Variants in PDZRN4 observed in about 807,000 individuals in gnomAD.
PDZRN4 encodes PDZ domain containing ring finger 4, also known as PDZ domain-containing RING finger protein 4.
PDZRN4 carries 70 observed loss-of-function variants against 99.0 expected under a neutral mutation model. The observed-to-expected ratio is 0.71, with a 90% confidence interval of 0.58 to 0.86. The LOEUF (loss-of-function observed/expected upper bound fraction) is 0.86. Ranked by LOEUF, PDZRN4 falls within the 40% of genes least tolerant of loss-of-function variation. The pLI, the probability that PDZRN4 is intolerant of heterozygous loss-of-function variation, is 0.00. For synonymous variants in PDZRN4, 551 were observed against 501.6 expected (o/e 1.10, Z -1.32); for missense variants, 1,474 against 1,331.2 (o/e 1.11, Z -1.67).
At chr12:41,287,799 C>T (rs1951430923) in intron 3 of PDZRN4, among the ~76,000 whole-genome samples, 2 of 152,182 alleles carry the variant, frequency 1.3e-5, no homozygotes, top group Non-Finnish European at 2.9e-5. Context: ...AGTGTAAACT[C>T]CCCAACCCCC....
chr12:41,370,629 T>C (rs1224985052), intron 3 of PDZRN4, among the ~76,000 whole-genome samples: 1 of 151,988 alleles, frequency 6.6e-6, no homozygotes, highest in African/African-American at 2.4e-5. Flanking sequence ...GGTAAACTCA[T>C]AGCTGTTATC....
intron 9 of PDZRN4, among the ~76,000 whole-genome samples, chr12:41,569,503 C>A (rs987219280): frequency 1.7e-4 from 26 of 152,160 alleles, no homozygotes; most frequent in African/African-American, 6.0e-4. Context: ...GCTCCACCAG[C>A]CTCAGCCTCC....
intron 3 of PDZRN4, among the ~76,000 whole-genome samples, chr12:41,291,456 T>C (rs2120908355): frequency 6.6e-6 from 1 of 152,312 alleles, no homozygotes; most frequent in East Asian, 1.9e-4. Context: ...ACTCTCTGAA[T>C]CTGTTTTATT....
chr12:41,357,346 C>T (rs1414282163), intron 3 of PDZRN4, among the ~76,000 whole-genome samples: 1 of 151,940 alleles, frequency 6.6e-6, no homozygotes, highest in Non-Finnish European at 1.5e-5. Context: ...GTTTATACTA[C>T]TATATACATC....
chr12:41,466,635 G>A (rs1005372496), intron 3 of PDZRN4, among the ~76,000 whole-genome samples: 3 of 152,030 alleles, frequency 2.0e-5, no homozygotes, highest in African/African-American at 7.3e-5. Flanking sequence ...CATTAAAAAC[G>A]TGGAGGGGGG....
intron 3 of PDZRN4, among the ~76,000 whole-genome samples, chr12:41,300,247 A>G (rs1951525597): frequency 1.3e-5 from 2 of 152,034 alleles, no homozygotes; most frequent in African/African-American, 2.4e-5. Context: ...ATCTTCTGAA[A>G]TAAGTGTATT....
intron 5 of PDZRN4, among the ~76,000 whole-genome samples, chr12:41,515,851 C>T (rs1232905125): frequency 1.3e-5 from 2 of 151,854 alleles, no homozygotes; most frequent in Non-Finnish European, 2.9e-5. Flanking sequence ...CATTGGTTTA[C>T]TCCTTTGTTT....
chr12:41,537,520 T>G (rs1482481635), intron 5 of PDZRN4, among the ~76,000 whole-genome samples: 1 of 152,076 alleles, frequency 6.6e-6, no homozygotes, highest in African/African-American at 2.4e-5. Context: ...TTTGGCTAGG[T>G]CGTCAGATGT....
chr12:41,333,250 T>C (rs1477440276), intron 3 of PDZRN4, among the ~76,000 whole-genome samples: 2 of 152,082 alleles, frequency 1.3e-5, no homozygotes, highest in South Asian at 2.1e-4. Context: ...GTCTCTGGCA[T>C]TTATGCTGCA....
chr12:41,282,216 G>C (rs192249263), intron 3 of PDZRN4, among the ~76,000 whole-genome samples: 1 of 152,180 alleles, frequency 6.6e-6, no homozygotes, highest in Admixed American at 6.5e-5. Flanking sequence ...AACAGGGGTT[G>C]CAATACTAGT....
intron 3 of PDZRN4, among the ~76,000 whole-genome samples, chr12:41,328,496 G>A (rs1271584804): frequency 1.3e-5 from 2 of 152,106 alleles, no homozygotes; most frequent in African/African-American, 4.8e-5. Context: ...TCAAGCCTGG[G>A]CAGCAGAGTG....
At chr12:41,376,982 A>T (rs1431770531) in intron 3 of PDZRN4, among the ~76,000 whole-genome samples, 1 of 151,742 alleles carries the variant, frequency 6.6e-6, no homozygotes, top group Non-Finnish European at 1.5e-5. Flanking sequence ...TGTTGAAGAG[A>T]CTCTCCTTTC....
intron 3 of PDZRN4, among the ~76,000 whole-genome samples, chr12:41,294,097 T>C (rs550446433): frequency 1.5e-4 from 23 of 152,190 alleles, no homozygotes; most frequent in Non-Finnish European, 2.8e-4. Flanking sequence ...ATAGTTTGTT[T>C]GTTTGTATCA....
chr12:41,464,058 CCAAG>C (rs1445596170), intron 3 of PDZRN4, among the ~76,000 whole-genome samples: 2 of 152,262 alleles, frequency 1.3e-5, no homozygotes, highest in East Asian at 3.9e-4. Context: ...ATTTGCATTT[CCAAG>C]CACGCCAGGA....
chr12:41,271,695 T>C (rs1004603719), intron 3 of PDZRN4, among the ~76,000 whole-genome samples: 1 of 152,108 alleles, frequency 6.6e-6, no homozygotes, highest in African/African-American at 2.4e-5. Context: ...TCCACATGCA[T>C]TTGCCGTTTT....
intron 3 of PDZRN4, among the ~76,000 whole-genome samples, chr12:41,250,834 G>A (rs1274192883): frequency 6.6e-6 from 1 of 152,142 alleles, no homozygotes; most frequent in African/African-American, 2.4e-5. Context: ...TTCATAATAA[G>A]CAGATGTTAT....
intron 3 of PDZRN4, among the ~76,000 whole-genome samples, chr12:41,345,326 C>T (rs963851986): frequency 2.6e-5 from 4 of 152,088 alleles, no homozygotes; most frequent in Non-Finnish European, 4.4e-5. Flanking sequence ...CATGACCCAC[C>T]CTCCCCCTCC....
At chr12:41,278,920 C>T (rs981226158) in intron 3 of PDZRN4, among the ~76,000 whole-genome samples, 3 of 152,138 alleles carry the variant, frequency 2.0e-5, no homozygotes, top group Non-Finnish European at 4.4e-5. Flanking sequence ...TGGATAAAGG[C>T]CCTTATCTCA....
At chr12:41,325,442 A>C (rs1208059747) in intron 3 of PDZRN4, among the ~76,000 whole-genome samples, 1 of 152,208 alleles carries the variant, frequency 6.6e-6, no homozygotes, top group Non-Finnish European at 1.5e-5. Context: ...AAATAGTATA[A>C]TAATCAATTT....
Sources: gnomAD v4.1 joint callset for allele counts (sites outside exome capture counted in the v4.1 genomes callset) on GRCh38, gnomAD v4.1.1 for gene constraint, MANE v1.5 for transcripts, NCBI Gene and HGNC (gene_info 2026-07-23, HGNC 2026-07-21) for gene names.